Variants in PAK2 observed in about 807,000 individuals in gnomAD.
PAK2 encodes the protein p21 (RAC1) activated kinase 2.
A neutral mutation model predicts 65.9 loss-of-function variants in PAK2; 21 were observed. That is an observed-to-expected ratio of 0.32 (90% CI 0.23 to 0.46). PAK2 has a LOEUF of 0.46. PAK2 is among the 20% of genes least tolerant of loss of function. PAK2 has a pLI of 1.00. For missense variants in PAK2, 324 were observed against 642.6 expected (o/e 0.50, Z 5.36); for synonymous variants, 204 against 219.7 (o/e 0.93, Z 0.63).
At chr3:196,812,711 GT>G (rs780111664) in intron 9 of PAK2, 27 bp from the exon 10 acceptor site, 2 of 1,031,156 alleles carry the variant, frequency 1.9e-6, no homozygotes, top group Admixed American at 1.9e-5. Context: ...CCTAAACCTG[GT>G]TTTTTTCAAT....
intron 5 of PAK2, among the ~76,000 whole-genome samples, chr3:196,806,182 A>G (rs756241009): frequency 6.8e-4 from 104 of 152,180 alleles, no homozygotes; most frequent in Admixed American, 9.8e-4. Flanking sequence ...AAGTGCTGGG[A>G]TTACAGACGT....
At chr3:196,812,384 C>T (rs1235144769) in intron 9 of PAK2, 117 bp downstream of exon 9, 15 of 732,182 alleles carry the variant, frequency 2.0e-5, no homozygotes, top group Middle Eastern at 2.4e-4. Context: ...TTGTAAGAAT[C>T]GCTCTACGTA....
At chr3:196,777,984 T>C (rs1015116239) in intron 1 of PAK2, among the ~76,000 whole-genome samples, 1 of 152,194 alleles carries the variant, frequency 6.6e-6, no homozygotes, top group Non-Finnish European at 1.5e-5. Flanking sequence ...TCCACTGTCT[T>C]CATACCGGAA....
intron 1 of PAK2, among the ~76,000 whole-genome samples, chr3:196,767,927 C>T (rs988574519): frequency 2.6e-5 from 4 of 152,032 alleles, no homozygotes; most frequent in South Asian, 2.1e-4. Context: ...CTGTTGGTGA[C>T]TCAACCAGCA....
At chr3:196,778,757 G>A (rs1714616465) in intron 1 of PAK2, among the ~76,000 whole-genome samples, 1 of 152,194 alleles carries the variant, frequency 6.6e-6, no homozygotes, top group East Asian at 1.9e-4. Context: ...ATCTGTTACA[G>A]TTTCTCAGTC....
At chr3:196,789,886 C>T (rs1202678992) in intron 2 of PAK2, among the ~76,000 whole-genome samples, 5 of 152,312 alleles carry the variant, frequency 3.3e-5, no homozygotes, top group East Asian at 1.9e-4. Context: ...CCCTCTCATG[C>T]GCAGTTCACA....
At chr3:196,811,196 TTCC>T (rs1577739644) in intron 8 of PAK2, among the ~76,000 whole-genome samples, 2 of 46,378 alleles carry the variant, frequency 4.3e-5, no homozygotes, top group Admixed American at 3.0e-4. Context: ...TATGAATTCC[TTCC>T]TCCCTTCCTT....
intron 1 of PAK2, among the ~76,000 whole-genome samples, chr3:196,758,988 C>T (rs1713854853): frequency 6.6e-6 from 1 of 152,118 alleles, no homozygotes; most frequent in African/African-American, 2.4e-5. Context: ...AAGGGAAAAA[C>T]TTACACATTT....
At chr3:196,750,294 C>T (rs1713530267) in intron 1 of PAK2, among the ~76,000 whole-genome samples, 1 of 151,864 alleles carries the variant, frequency 6.6e-6, no homozygotes. Context: ...CTGGCCTATA[C>T]CTGGCTAATT....
chr3:196,768,256 A>G (rs929919186), intron 1 of PAK2, among the ~76,000 whole-genome samples: 3 of 151,620 alleles, frequency 2.0e-5, no homozygotes, highest in Non-Finnish European at 4.4e-5. Context: ...AATCATGTTT[A>G]TTTTTTACTC....
At position 196,830,193 on chromosome 3, in the gene PAK2, CTG is replaced by C. The variant is rs999546749; in HGVS notation, c.*1790_*1791del. On this transcript the variant is annotated 3_prime_UTR_variant, in exon 15 of 15. Coordinates refer to ENST00000327134, the MANE Select transcript of PAK2 (RefSeq NM_002577.4). ...GATGCAATTATAAGGAGAGAAGTGA[CTG>C]TTTTTTATTGATAAGGCAAGATTTT... 62 of 152,200 alleles carry C rather than the reference CTG, an allele frequency of 4.1e-4. No individual in the cohort carries two copies. Among genetic ancestry groups the C allele is most frequent in the African/African-American group, 1.3e-3 (55 of 41,528 alleles). The allele number at this position is 152,200 out of a possible 1,614,324, so 9.4% of individuals were successfully genotyped here. A position where few individuals can be genotyped will look rare whatever the true frequency, so the allele number is the denominator to read the frequency against.
rs1377227168 is a variant in PAK2 at position 196,784,495 on chromosome 3, C to T, written c.187+1662C>T. 4.8e-3 allele frequency among the ~76,000 whole-genome samples: 534 copies of T among 110,904 alleles called. 6 individuals carry two copies. Among genetic ancestry groups the T allele is most frequent in the African/African-American group, 0.017 (477 of 28,140 alleles). 72.8% of individuals were successfully genotyped at this position (110,904 alleles called of 152,430 possible). A position where few individuals can be genotyped will look rare whatever the true frequency, so the allele number is the denominator to read the frequency against. On this transcript the variant is annotated intron_variant, in intron 2 of 14. Coordinates refer to ENST00000327134, the MANE Select transcript of PAK2 (RefSeq NM_002577.4). The stretch of plus-strand genomic sequence containing the variant: ...TGCAGTGTTTGGTTTTTTGTTCTTG[C>T]GATAGTTTACTGAGAATGATGATTT...
intron 12 of PAK2, among the ~76,000 whole-genome samples, chr3:196,818,527 C>T (rs1711546021): frequency 6.6e-6 from 1 of 152,104 alleles, no homozygotes; most frequent in Admixed American, 6.6e-5. Flanking sequence ...CCACCACACC[C>T]AGCTAATTTT....
rs1277144528 is a variant in PAK2 at position 196,825,504 on chromosome 3, A to G, written c.1351-1692A>G. On this transcript the variant is annotated intron_variant, in intron 13 of 14. Transcript: ENST00000327134. ...TGAAAATACAAAAAATTAGCCGGGCATTTTGGCGGGCGCCTATAATCCCAG... is the reference window on the plus strand; with the variant it reads ...TGAAAATACAAAAAATTAGCCGGGCGTTTTGGCGGGCGCCTATAATCCCAG... Among the ~76,000 whole-genome samples the G allele has an allele frequency of 2.7e-4, 41 of 149,668 alleles. 1 individual carries two copies. Among genetic ancestry groups the G allele is most frequent in the Middle Eastern group, 3.4e-3 (1 of 292 alleles).
intron 2 of PAK2, among the ~76,000 whole-genome samples, chr3:196,789,266 A>G (rs1714990698): frequency 6.6e-6 from 1 of 152,158 alleles, no homozygotes. Context: ...TGTCTTTATT[A>G]ACTAAAGCAA....
At chr3:196,754,917 G>A (rs1396110525) in intron 1 of PAK2, among the ~76,000 whole-genome samples, 1 of 152,198 alleles carries the variant, frequency 6.6e-6, no homozygotes, top group Non-Finnish European at 1.5e-5. Flanking sequence ...CTTCAAAGCC[G>A]ACTCTGAGTC....
At chr3:196,749,321 G>T (rs183570418) in intron 1 of PAK2, among the ~76,000 whole-genome samples, 13 of 152,042 alleles carry the variant, frequency 8.6e-5, no homozygotes, top group Admixed American at 7.9e-4. Context: ...AGGAACTACC[G>T]TATTGCTTTC....
rs769350268 is a variant in PAK2 at position 196,820,335 on chromosome 3, TG to T, written c.1154-34del. The T allele has an allele frequency of 1.8e-5, 25 of 1,356,214 alleles. No individual in the cohort carries two copies. The highest frequency in any genetic ancestry group is 2.2e-5 in the Admixed American group (1 of 45,996). 84.0% of individuals were successfully genotyped at this position (1,356,214 alleles called of 1,614,324 possible). Reference sequence around the variant, plus strand: ...TGAACTCTTCTGCTAAAACCATCCATGGAAGCCATTAACTCTGTTTTGTTTT... The same window carrying T: ...TGAACTCTTCTGCTAAAACCATCCATGAAGCCATTAACTCTGTTTTGTTTT... On this transcript the variant is annotated intron_variant, in intron 12 of 14. Coordinates refer to ENST00000327134, the MANE Select transcript of PAK2 (RefSeq NM_002577.4). This position sits in a 1 kb window ranked among gnomAD's most constrained non-coding sequence, Gnocchi z 4.6.
chr3:196,753,774 T>C (rs975203102), intron 1 of PAK2, among the ~76,000 whole-genome samples: 1 of 152,220 alleles, frequency 6.6e-6, no homozygotes, highest in Non-Finnish European at 1.5e-5. Flanking sequence ...TGGATGGTGG[T>C]AGGAATTTTC....
Sources: gnomAD v4.1 joint callset for allele counts (sites outside exome capture counted in the v4.1 genomes callset) on GRCh38, gnomAD v4.1.1 for gene constraint, Gnocchi (gnomAD v3.1) non-coding constraint, MANE v1.5 for transcripts, NCBI Gene and HGNC (gene_info 2026-07-23, HGNC 2026-07-21) for gene names.